Variants in DACH2 observed in about 807,000 individuals in gnomAD.
The protein encoded by DACH2 is dachshund homolog 2.
In DACH2, 17 loss-of-function variants were observed where a neutral mutation model predicts 35.8. That is an observed-to-expected ratio of 0.48 (90% confidence interval 0.33 to 0.71). The LOEUF (loss-of-function observed/expected upper bound fraction) is 0.71, where lower values mean the gene tolerates loss of function less well. Ranked by LOEUF, DACH2 falls within the 30% of genes least tolerant of loss-of-function variation. DACH2 has a pLI of 0.02. For missense variants in DACH2, 469 were observed against 472.7 expected, an observed-to-expected ratio of 0.99 and a Z score of 0.07; for synonymous variants, 195 against 177.3, an observed-to-expected ratio of 1.10 and a Z score of -0.79.
At chrX:86,204,749 T>G (rs2147906279) in intron 1 of DACH2, among the ~76,000 whole-genome samples, 1 of 112,194 alleles carries the variant, frequency 8.9e-6, no homozygotes, top group South Asian at 3.7e-4. Context: ...TTCCAAAGCC[T>G]TTTATCCATG....
At chrX:86,412,168 C>T (rs947823402) in intron 2 of DACH2, among the ~76,000 whole-genome samples, 1 of 111,223 alleles carries the variant, frequency 9.0e-6, no homozygotes, top group Admixed American at 9.6e-5. Context: ...TATTAACTTC[C>T]AGTTCAATGG....
chrX:86,676,160 A>G lies in DACH2; in HGVS notation c.773-18861A>G, dbSNP rs955540653. On this transcript the variant is annotated intron_variant, in intron 4 of 11. Transcript: ENST00000373125. ...TAAGACTTATATCTGATGACTTGCC[A>G]TTGTCACACTACATACCTTGGCTAT... 2.7e-5 allele frequency among the ~76,000 whole-genome samples: 3 copies of G among 111,915 alleles called. No individual in the cohort carries two copies. In the Admixed American group the frequency reaches 2.8e-4, roughly 11 times the overall value.
At chrX:86,483,418 G>T (rs2037973183) in intron 2 of DACH2, among the ~76,000 whole-genome samples, 1 of 111,213 alleles carries the variant, frequency 9.0e-6, no homozygotes, top group African/African-American at 3.3e-5. Flanking sequence ...TTTCCTTTGG[G>T]ACTACTGGAA....
intron 4 of DACH2, among the ~76,000 whole-genome samples, chrX:86,668,684 T>A (rs142388485): frequency 0.052 from 5,755 of 111,415 alleles, 153 homozygotes; most frequent in East Asian, 0.15. Flanking sequence ...TGACAAGAGA[T>A]GTGTACAAGA....
At chrX:86,444,375 C>A (rs1384955260) in intron 2 of DACH2, among the ~76,000 whole-genome samples, 1 of 111,874 alleles carries the variant, frequency 8.9e-6, no homozygotes. Context: ...CAGGCTTGAG[C>A]CATCGTGTGT....
intron 7 of DACH2, among the ~76,000 whole-genome samples, chrX:86,811,280 G>C (rs2042392198): frequency 9.0e-6 from 1 of 111,561 alleles, no homozygotes; most frequent in African/African-American, 3.3e-5. Flanking sequence ...TCCCACAAAT[G>C]AATGGCACAA....
chrX:86,254,176 G>C (rs2033455090), intron 1 of DACH2, among the ~76,000 whole-genome samples: 1 of 111,417 alleles, frequency 9.0e-6, no homozygotes, highest in African/African-American at 3.3e-5. Flanking sequence ...GGAAATTGGA[G>C]TTCTGACAAT....
chrX:86,405,565 T>A (rs2036514454), intron 2 of DACH2, among the ~76,000 whole-genome samples: 1 of 111,458 alleles, frequency 9.0e-6, no homozygotes, highest in African/African-American at 3.3e-5. Context: ...GTCCAAACTT[T>A]CCCACATCTT....
chrX:86,534,193 A>T (rs1056573978), intron 3 of DACH2, among the ~76,000 whole-genome samples: 8 of 112,011 alleles, frequency 7.1e-5, no homozygotes, highest in African/African-American at 2.6e-4. Flanking sequence ...GCAAATCAAA[A>T]CAAAAGATGG....
chrX:86,661,311 T>G (rs751198975), intron 4 of DACH2, among the ~76,000 whole-genome samples: 1 of 112,497 alleles, frequency 8.9e-6, no homozygotes, highest in South Asian at 3.7e-4. Context: ...AGAAATCCTG[T>G]ACCCATTAGG....
intron 3 of DACH2, among the ~76,000 whole-genome samples, chrX:86,587,404 T>C (rs2039587949): frequency 9.0e-6 from 1 of 111,640 alleles, no homozygotes. Flanking sequence ...TAACTTTTCT[T>C]TCTTTCTTCT....
chrX:86,258,688 AGTTT>A (rs2033570346), intron 1 of DACH2, among the ~76,000 whole-genome samples: 1 of 111,702 alleles, frequency 9.0e-6, no homozygotes, highest in Non-Finnish European at 1.9e-5. Flanking sequence ...AGGAATACTT[AGTTT>A]AATACATTTT....
intron 6 of DACH2, among the ~76,000 whole-genome samples, chrX:86,730,188 T>C (rs2148472378): frequency 9.0e-6 from 1 of 111,445 alleles, no homozygotes; most frequent in East Asian, 2.8e-4. Context: ...AGTCTTCTAG[T>C]ATGTTCTTTG....
intron 5 of DACH2, among the ~76,000 whole-genome samples, chrX:86,695,388 T>A (rs192264039): frequency 9.1e-6 from 1 of 109,845 alleles, no homozygotes; most frequent in Non-Finnish European, 1.9e-5. Flanking sequence ...CATATAAGGG[T>A]ACATGGGAGG....
chrX:86,417,736 T>G (rs182830607), intron 2 of DACH2, among the ~76,000 whole-genome samples: 1 of 111,154 alleles, frequency 9.0e-6, no homozygotes, highest in Admixed American at 9.5e-5. Flanking sequence ...CCCTCCCAAA[T>G]ATCATGTCCT....
At chrX:86,238,595 T>A (rs1460499331) in intron 1 of DACH2, among the ~76,000 whole-genome samples, 1 of 111,361 alleles carries the variant, frequency 9.0e-6, no homozygotes, top group East Asian at 2.8e-4. Flanking sequence ...AGTACTGCAT[T>A]CAAATAATGA....
At chrX:86,528,394 T>C (rs1305008252) in intron 3 of DACH2, among the ~76,000 whole-genome samples, 2 of 111,707 alleles carry the variant, frequency 1.8e-5, no homozygotes, top group African/African-American at 6.5e-5. Flanking sequence ...TTTCCTTGTA[T>C]TTGTGGCAAG....
chrX:86,215,718 G>A (rs1157725436), intron 1 of DACH2, among the ~76,000 whole-genome samples: 2 of 111,560 alleles, frequency 1.8e-5, no homozygotes, highest in African/African-American at 6.5e-5. Flanking sequence ...ACAAATGCTA[G>A]GGTCTTGTCT....
chrX:86,659,516 C>T (rs1013562384), intron 4 of DACH2, among the ~76,000 whole-genome samples: 3 of 111,421 alleles, frequency 2.7e-5, no homozygotes, highest in South Asian at 3.7e-4. Context: ...TTAGCCAACA[C>T]GTAATCATTC....
Sources: allele counts gnomAD v4.1 joint callset (sites outside exome capture counted in the v4.1 genomes callset), GRCh38; gene constraint gnomAD v4.1.1; transcripts MANE v1.5; gene names NCBI Gene and HGNC (gene_info 2026-07-23, HGNC 2026-07-21).